Variants in ARB2A observed in about 807,000 individuals in gnomAD.
The protein encoded by ARB2A is ARB2 cotranscriptional regulator A, also known as cotranscriptional regulator ARB2A.
chr5:93,937,126 G>A, the ARB2A span, among the ~76,000 whole-genome samples: 1 of 151,712 alleles, frequency 6.6e-6, no homozygotes. Flanking sequence ...GCCCGCCCCT[G>A]CCTCCCAAAG....
the ARB2A span, among the ~76,000 whole-genome samples, chr5:93,898,787 T>C: frequency 6.6e-6 from 1 of 152,070 alleles, no homozygotes; most frequent in African/African-American, 2.4e-5. Flanking sequence ...GTTTAATACA[T>C]GGCTCAAGAA....
At chr5:94,049,992 T>G in the ARB2A span, among the ~76,000 whole-genome samples, 1 of 151,986 alleles carries the variant, frequency 6.6e-6, no homozygotes, top group Non-Finnish European at 1.5e-5. Flanking sequence ...AAGGCTGGAG[T>G]GCAACGGTGT....
chr5:93,833,238 C>T, the ARB2A span, among the ~76,000 whole-genome samples: 1 of 152,014 alleles, frequency 6.6e-6, no homozygotes, highest in Non-Finnish European at 1.5e-5. Flanking sequence ...AGGCATTCAA[C>T]AATAATTAAC....
the ARB2A span, among the ~76,000 whole-genome samples, chr5:94,019,840 A>G: frequency 1.3e-5 from 2 of 152,170 alleles, no homozygotes; most frequent in African/African-American, 2.4e-5. Flanking sequence ...TCACCCCTCC[A>G]GGCATCTGGT....
At chr5:94,100,154 T>C in the ARB2A span, among the ~76,000 whole-genome samples, 1 of 152,008 alleles carries the variant, frequency 6.6e-6, no homozygotes, top group Non-Finnish European at 1.5e-5. Flanking sequence ...ACAACCAAAC[T>C]GAGAGCCAAA....
chr5:94,045,806 T>A, the ARB2A span, among the ~76,000 whole-genome samples: 1 of 152,362 alleles, frequency 6.6e-6, no homozygotes, highest in South Asian at 2.1e-4. Context: ...AACTCATCCC[T>A]TTATTTACTA....
At chr5:93,636,390 G>A in the ARB2A span, among the ~76,000 whole-genome samples, 100 of 152,268 alleles carry the variant, frequency 6.6e-4, 1 homozygote, top group African/African-American at 2.3e-3. Flanking sequence ...GTGGTATCTG[G>A]AGAAGGAGCT....
At chr5:93,729,108 C>T in the ARB2A span, among the ~76,000 whole-genome samples, 1 of 152,002 alleles carries the variant, frequency 6.6e-6, no homozygotes, top group African/African-American at 2.4e-5. Context: ...CTCTCTTGCT[C>T]TCTGTCTGTC....
the ARB2A span, among the ~76,000 whole-genome samples, chr5:94,066,591 G>A: frequency 6.6e-6 from 1 of 152,062 alleles, no homozygotes. Flanking sequence ...CCTACAGGAA[G>A]TGAATAAATT....
chr5:94,088,451 C>T, the ARB2A span, among the ~76,000 whole-genome samples: 18 of 152,210 alleles, frequency 1.2e-4, no homozygotes, highest in Middle Eastern at 3.4e-3. Flanking sequence ...GAGGCCAAGG[C>T]GGGAGGATTG....
the ARB2A span, among the ~76,000 whole-genome samples, chr5:93,713,558 T>C: frequency 6.6e-6 from 1 of 152,132 alleles, no homozygotes. Flanking sequence ...CAATAATGAA[T>C]TTTGACAAGG....
chr5:93,660,751 G>C, the ARB2A span, among the ~76,000 whole-genome samples: 3 of 152,138 alleles, frequency 2.0e-5, no homozygotes, highest in African/African-American at 4.8e-5. Context: ...AGGGATTACA[G>C]ACAGGGGTAC....
chr5:94,091,698 A>G, the ARB2A span, among the ~76,000 whole-genome samples: 3 of 152,332 alleles, frequency 2.0e-5, no homozygotes, highest in South Asian at 6.2e-4. Flanking sequence ...AGGAGAAATC[A>G]AAAGCCCAAT....
At chr5:94,079,426 G>C in the ARB2A span, among the ~76,000 whole-genome samples, 2 of 152,202 alleles carry the variant, frequency 1.3e-5, no homozygotes, top group African/African-American at 4.8e-5. Context: ...AAGGCATTGT[G>C]GGCTTTGAAA....
the ARB2A span, among the ~76,000 whole-genome samples, chr5:93,689,705 T>C: frequency 6.6e-6 from 1 of 152,134 alleles, no homozygotes; most frequent in African/African-American, 2.4e-5. Context: ...CTCTTTTTTT[T>C]TTTTGAGACG....
the ARB2A span, chr5:93,735,827 T>G: frequency 6.6e-6 from 1 of 152,046 alleles, no homozygotes; most frequent in Non-Finnish European, 1.5e-5. Context: ...GTAGCTTGTG[T>G]GGAGGAAATG....
At chr5:94,034,718 T>C in the ARB2A span, among the ~76,000 whole-genome samples, 12 of 152,204 alleles carry the variant, frequency 7.9e-5, no homozygotes, top group African/African-American at 2.7e-4. Context: ...GAATGTTTGA[T>C]TTCTGACAAG....
chr5:94,048,197 G>A, the ARB2A span, among the ~76,000 whole-genome samples: 2 of 151,726 alleles, frequency 1.3e-5, no homozygotes, highest in African/African-American at 4.8e-5. Context: ...TGGGATTACA[G>A]GGGCGCAACA....
chr5:93,833,720 A>G, the ARB2A span, among the ~76,000 whole-genome samples: 4 of 152,348 alleles, frequency 2.6e-5, no homozygotes, highest in Admixed American at 6.5e-5. Context: ...TGCTTTTTAT[A>G]CTAAACAAGT....
Sources: allele counts gnomAD v4.1 joint callset (sites outside exome capture counted in the v4.1 genomes callset), GRCh38; gene constraint gnomAD v4.1.1; transcripts MANE v1.5; gene names NCBI Gene and HGNC (gene_info 2026-07-23, HGNC 2026-07-21).